B3GALNT2: variants seen among roughly 807,000 people sequenced by gnomAD.
B3GALNT2 encodes UDP-GalNAc:beta-1,3-N-acetylgalactosaminyltransferase 2.
Under a neutral mutation model 61.1 loss-of-function variants are expected in B3GALNT2, and 53 were observed. The observed-to-expected ratio is 0.87, with a 90% CI of 0.70 to 1.09. The LOEUF is 1.09. Ranked by LOEUF, B3GALNT2 falls within the 50% of genes least tolerant of loss-of-function variation. The pLI, the probability that B3GALNT2 is intolerant of heterozygous loss-of-function variation, is 0.00. For missense variants in B3GALNT2, 544 were observed against 623.0 expected (o/e 0.87, Z 1.35); for synonymous variants, 223 against 237.4 (o/e 0.94, Z 0.56).
chr1:235,453,009 T>A, intron 11 of B3GALNT2, 81 bp downstream of exon 11: 1 of 1,261,398 alleles, frequency 7.9e-7, no homozygotes, highest in African/African-American at 1.5e-5. Flanking sequence ...CCAGGCATTT[T>A]GGATAAAGAA....
chr1:235,442,159 C>G, the B3GALNT2 span, among the ~76,000 whole-genome samples: 1 of 152,042 alleles, frequency 6.6e-6, no homozygotes, highest in Non-Finnish European at 1.5e-5. Flanking sequence ...CAGGCATACA[C>G]AACCATGCCC....
downstream of B3GALNT2, among the ~76,000 whole-genome samples, chr1:235,442,597 A>C (rs1681969041): frequency 6.6e-6 from 1 of 152,218 alleles, no homozygotes; most frequent in Non-Finnish European, 1.5e-5. Context: ...GTGATTTGTG[A>C]ATTTATGACT....
intron 9 of B3GALNT2, among the ~76,000 whole-genome samples, chr1:235,454,934 G>A (rs1683094386): frequency 6.6e-6 from 1 of 152,210 alleles, no homozygotes; most frequent in Non-Finnish European, 1.5e-5. Flanking sequence ...TATTCCTGAG[G>A]AAGCACAGAA....
intron 1 of B3GALNT2, among the ~76,000 whole-genome samples, chr1:235,500,604 AAT>A (rs1385704183): frequency 4.6e-5 from 7 of 152,242 alleles, no homozygotes; most frequent in African/African-American, 1.7e-4. Flanking sequence ...AAGAGTCACA[AAT>A]AGATACAAAT....
chr1:235,454,259 G>A lies in B3GALNT2; in HGVS notation c.1208C>T (p.Pro403Leu), dbSNP rs369378819. The A allele has an allele frequency of 2.5e-5, 41 of 1,612,862 alleles. No homozygotes were observed. The highest frequency in any genetic ancestry group is 3.3e-5 in the Non-Finnish European group (39 of 1,179,132). The change falls in exon 10 of 12, where the codon CCG (proline) becomes CTG (leucine). Residue 403 changes from proline to leucine, a missense_variant. Coordinates refer to ENST00000366600, the MANE Select transcript of B3GALNT2 (RefSeq NM_152490.5). Reference sequence around the variant, plus strand: ...TGCAAAGGCAGGGTAAGCGGGGCTCGGGTACTCCAACTCCTGCCACTTTCC... The same window carrying A: ...TGCAAAGGCAGGGTAAGCGGGGCTCAGGTACTCCAACTCCTGCCACTTTCC... ...RTGKWQELEY[P>L]SPAYPAFACG... is the part of the protein sequence containing the mutation.
chr1:235,475,553 A>G (rs180860814), intron 5 of B3GALNT2, among the ~76,000 whole-genome samples: 2 of 152,334 alleles, frequency 1.3e-5, no homozygotes, highest in African/African-American at 4.8e-5. Context: ...ATGATATGCC[A>G]GCAAACAATC....
intron 8 of B3GALNT2, 108 bp downstream of exon 8, chr1:235,458,495 G>C (rs939486156): frequency 5.0e-6 from 7 of 1,407,494 alleles, no homozygotes; most frequent in Non-Finnish European, 6.5e-6. Context: ...GACCAGCCTA[G>C]GAAACCCCTA....
intron 4 of B3GALNT2, among the ~76,000 whole-genome samples, chr1:235,481,218 G>C (rs1302461218): frequency 6.6e-6 from 1 of 152,156 alleles, no homozygotes; most frequent in African/African-American, 2.4e-5. Flanking sequence ...TCTTAGACTA[G>C]TCCTTCCTTG....
At chr1:235,445,487 T>C (rs1682191247), downstream of B3GALNT2, among the ~76,000 whole-genome samples, 1 of 152,000 alleles carries the variant, frequency 6.6e-6, no homozygotes, top group Non-Finnish European at 1.5e-5. Flanking sequence ...AATACAAAAA[T>C]TAGCTGGGTG....
At chr1:235,473,592 C>T (rs1165863792) in intron 5 of B3GALNT2, among the ~76,000 whole-genome samples, 1 of 152,154 alleles carries the variant, frequency 6.6e-6, no homozygotes, top group East Asian at 1.9e-4. Context: ...CAGGAGGCAA[C>T]TCAAAGCATG....
chr1:235,468,100 A>G (rs1433828974), intron 6 of B3GALNT2, among the ~76,000 whole-genome samples: 5 of 152,078 alleles, frequency 3.3e-5, no homozygotes, highest in Non-Finnish European at 7.4e-5. Context: ...TTTTTATTGT[A>G]TATTTCTATA....
downstream of B3GALNT2, among the ~76,000 whole-genome samples, chr1:235,446,696 T>TA (rs1682341764): frequency 8.6e-6 from 1 of 116,950 alleles, no homozygotes; most frequent in African/African-American, 2.8e-5. Flanking sequence ...AGTAGGCAGG[T>TA]TTTTTTTTTT....
At chr1:235,489,783 T>C (rs554775243) in intron 2 of B3GALNT2, among the ~76,000 whole-genome samples, 41 of 152,312 alleles carry the variant, frequency 2.7e-4, no homozygotes, top group African/African-American at 9.9e-4. Context: ...AATTATTCTC[T>C]TCACCTTCCA....
chr1:235,455,216 G>A (rs996310188), intron 9 of B3GALNT2, among the ~76,000 whole-genome samples: 4 of 152,014 alleles, frequency 2.6e-5, no homozygotes, highest in Admixed American at 2.0e-4. Flanking sequence ...CCAACTCCTG[G>A]GCTCAAGCAG....
chr1:235,442,372 G>A (rs1681951580), downstream of B3GALNT2, among the ~76,000 whole-genome samples: 1 of 152,182 alleles, frequency 6.6e-6, no homozygotes, highest in South Asian at 2.1e-4. Context: ...GTTTCACCAT[G>A]TTGGCCAGGC....
intron 1 of B3GALNT2, among the ~76,000 whole-genome samples, chr1:235,503,050 CAAAA>C (rs1360243087): frequency 6.6e-6 from 1 of 152,130 alleles, no homozygotes; most frequent in East Asian, 1.9e-4. Context: ...AGATTGTTAC[CAAAA>C]TAACCTCAAC....
downstream of B3GALNT2, among the ~76,000 whole-genome samples, chr1:235,443,214 T>C (rs943401836): frequency 6.6e-6 from 1 of 151,766 alleles, no homozygotes; most frequent in Non-Finnish European, 1.5e-5. Context: ...ACACACAATT[T>C]TTTTTGAGAC....
Position 235,450,134 on chromosome 1 carries a change from G to A in B3GALNT2, c.*72C>T, listed in dbSNP as rs1386853180. Reference sequence around the variant, plus strand: ...CCATACAGTCTACTGCTAAACCCTGGGACTCCTCAGACTTGCACTCAGATT... The same window carrying A: ...CCATACAGTCTACTGCTAAACCCTGAGACTCCTCAGACTTGCACTCAGATT... On this transcript the variant is annotated 3_prime_UTR_variant, in exon 12 of 12. Coordinates refer to ENST00000366600, the MANE Select transcript of B3GALNT2 (RefSeq NM_152490.5). 2.6e-6 allele frequency: 4 copies of A among 1,563,542 alleles called. No individual in the cohort carries two copies. The African/African-American group carries it at 4.1e-5, about 16-fold the overall frequency.
intron 2 of B3GALNT2, among the ~76,000 whole-genome samples, chr1:235,493,763 A>C (rs193295781): frequency 2.0e-5 from 3 of 152,204 alleles, no homozygotes; most frequent in African/African-American, 7.2e-5. Context: ...GAGCGACAGC[A>C]AAACTCCATC....
Sources: allele counts gnomAD v4.1 joint callset (sites outside exome capture counted in the v4.1 genomes callset), GRCh38; gene constraint gnomAD v4.1.1; transcripts MANE v1.5; gene names NCBI Gene and HGNC (gene_info 2026-07-23, HGNC 2026-07-21).